PLRG1: variants seen among roughly 807,000 people sequenced by gnomAD.
PLRG1 encodes the protein pleiotropic regulator 1 (PRL1 homolog, Arabidopsis).
PLRG1 carries 28 observed loss-of-function variants against 74.9 expected under a neutral mutation model. That is an observed-to-expected ratio of 0.37 (90% CI 0.28 to 0.51). The LOEUF is 0.51. PLRG1 is among the 20% of genes least tolerant of loss of function. PLRG1 has a pLI of 0.91. For missense variants in PLRG1, 445 were observed against 631.9 expected, an observed-to-expected ratio of 0.70 and a Z score of 3.17; for synonymous variants, 197 against 212.4, an observed-to-expected ratio of 0.93 and a Z score of 0.63.
At position 154,547,339 on chromosome 4, in the gene PLRG1, G is replaced by C. The variant is rs1209826282; in HGVS notation, c.260-275C>G. ...ATTTCTTCCAAGCAAATGGTTTCCT[G>C]TGGAATCTTGAATTCTCTTTACTTA... On this transcript the variant is annotated intron_variant, in intron 3 of 14. Transcript: ENST00000499023. The C allele has an allele frequency of 2.1e-5, 11 of 531,108 alleles. No homozygotes were observed. In the East Asian group the frequency reaches 3.6e-4, roughly 17 times the overall value. The allele number at this position is 531,108 out of a possible 1,614,324, so 32.9% of individuals were successfully genotyped here.
At chr4:154,544,362 T>A in intron 7 of PLRG1, 83 bp downstream of exon 7, 1 of 816,532 alleles carries the variant, frequency 1.2e-6, no homozygotes, top group Non-Finnish European at 2.1e-6. Flanking sequence ...TTCACTCTTT[T>A]TCCTCCTTAT....
intron 12 of PLRG1, among the ~76,000 whole-genome samples, chr4:154,538,588 G>A (rs1729497842): frequency 6.6e-6 from 1 of 151,828 alleles, no homozygotes; most frequent in Non-Finnish European, 1.5e-5. Flanking sequence ...GAGAGTAGAA[G>A]ACAGAGAAGA....
intron 1 of PLRG1, chr4:154,549,159 T>C (rs970796019): frequency 1.1e-5 from 6 of 525,190 alleles, no homozygotes; most frequent in Admixed American, 9.8e-5. Context: ...GGAGTTTAAC[T>C]TACTCAATAA....
rs149728498 is a variant in PLRG1, at chr4:154,546,871, T to C, written c.313+140A>G. 2.9e-4 allele frequency: 198 copies of C among 688,964 alleles called. 1 individual carries two copies. The Middle Eastern group carries it at 9.0e-3, about 31-fold the overall frequency. The allele number at this position is 688,964 out of a possible 1,614,324, so 42.7% of individuals were successfully genotyped here. ...ATGAAGGCATATGAGTATTCATTAT[T>C]ACCTACAAAGCTATGCATGGATGCT... On this transcript the variant is annotated intron_variant, in intron 4 of 14. Transcript: ENST00000499023.
chr4:154,545,967 A>G, intron 5 of PLRG1, 44 bp from the exon 6 acceptor site: 1 of 1,315,336 alleles, frequency 7.6e-7, no homozygotes, highest in Non-Finnish European at 1.1e-6. Context: ...TAATGCCTCC[A>G]GTCATGTATT....
intron 7 of PLRG1, 92 bp from the exon 8 acceptor site, chr4:154,542,371 C>T (rs551267744): frequency 2.1e-5 from 15 of 720,610 alleles, no homozygotes; most frequent in African/African-American, 1.9e-4. Context: ...GCCCTCCCAT[C>T]TTCAAATCAT....
rs749095669 is a variant in PLRG1 at position 154,546,257 on chromosome 4, T to C, written c.314-44A>G. On this transcript the variant is annotated intron_variant, in intron 4 of 14. Transcript: ENST00000499023. ...AACTTCTTTTAGTAGCTGTGTATTA[T>C]TCATTTACATGCACTTAAAATAAAA... 14 of 948,222 alleles carry C rather than the reference T, an allele frequency of 1.5e-5. No individual in the cohort carries two copies. The Admixed American group carries it at 2.6e-4, about 17-fold the overall frequency. The allele number at this position is 948,222 out of a possible 1,614,324, so 58.7% of individuals were successfully genotyped here.
In PLRG1 at chr4:154,550,068, T is replaced by A. The variant is rs150843181; in HGVS notation, c.9+232A>T. 5.4e-3 allele frequency among the ~76,000 whole-genome samples: 826 copies of A among 152,326 alleles called. 13 individuals carry two copies. Among genetic ancestry groups the A allele is most frequent in the African/African-American group, 0.019 (796 of 41,574 alleles). On this transcript the variant is annotated intron_variant, in intron 1 of 14. Transcript: ENST00000499023. ...CAGCTCCCAAGAGTCAAACGAGGAC[T>A]GGACGAATTATCTCAGGCTTCGCGC...
intron 2 of PLRG1, 127 bp downstream of exon 2, chr4:154,548,702 C>A: frequency 3.5e-6 from 2 of 573,282 alleles, no homozygotes; most frequent in East Asian, 3.0e-5. Flanking sequence ...TATGCCAAAA[C>A]ACCACTCATT....
At chr4:154,538,300 A>C (rs1352449629) in intron 12 of PLRG1, among the ~76,000 whole-genome samples, 192 bp from the exon 13 acceptor site, 2 of 152,132 alleles carry the variant, frequency 1.3e-5, no homozygotes, top group Non-Finnish European at 2.9e-5. Context: ...CACATTTTTA[A>C]CAGTATATTT....
chr4:154,545,310 A>G (rs896061265), intron 6 of PLRG1, among the ~76,000 whole-genome samples: 1 of 152,084 alleles, frequency 6.6e-6, no homozygotes, highest in African/African-American at 2.4e-5. Context: ...AAGTGGCAGC[A>G]TATTTTATTA....
chr4:154,543,643 G>A (rs767736554), intron 7 of PLRG1, among the ~76,000 whole-genome samples: 22 of 152,158 alleles, frequency 1.4e-4, no homozygotes, highest in Non-Finnish European at 2.4e-4. Context: ...GCACAAGGGT[G>A]TTTTTTGAGG....
intron 6 of PLRG1, among the ~76,000 whole-genome samples, chr4:154,544,850 T>A (rs563647694): frequency 1.3e-5 from 2 of 152,240 alleles, no homozygotes; most frequent in East Asian, 3.9e-4. Context: ...ATGGGAAGAA[T>A]AGTGCCTATT....
Position 154,542,282 on chromosome 4 carries a change from G to T in PLRG1, c.595-3C>A. 1.3e-6 allele frequency: 2 copies of T among 1,598,376 alleles called. No individual in the cohort carries two copies. Among genetic ancestry groups the T allele is most frequent in the Non-Finnish European group, 1.7e-6 (2 of 1,165,788 alleles). On this transcript the variant is annotated splice_region_variant and splice_polypyrimidine_tract_variant and intron_variant, in intron 7 of 14. Coordinates refer to ENST00000499023, the MANE Select transcript of PLRG1 (RefSeq NM_002669.4). ...CAGCCAAGATGCCCACTGATAACCT[G>T]TATAAAACAAAGTAGAATGGGCAGG... is the stretch of plus-strand genomic sequence containing the variant.
At chr4:154,549,182 C>A in intron 1 of PLRG1, 1 of 471,434 alleles carries the variant, frequency 2.1e-6, no homozygotes, top group South Asian at 1.7e-5. Context: ...ATTTACTGAG[C>A]TCCTACTGTG....
At chr4:154,540,089 T>C (rs376737702) in intron 10 of PLRG1, 36 bp from the exon 11 acceptor site, 16 of 1,069,304 alleles carry the variant, frequency 1.5e-5, no homozygotes, top group Middle Eastern at 2.0e-4. Flanking sequence ...GGAAAGAGAA[T>C]AGGTATTCAT....
chr4:154,548,076 TAATA>T (rs1373671873), intron 2 of PLRG1, among the ~76,000 whole-genome samples: 1 of 152,180 alleles, frequency 6.6e-6, no homozygotes, highest in Non-Finnish European at 1.5e-5. Context: ...GTTTGTTACC[TAATA>T]AATAGAAAAC....
chr4:154,543,477 A>T (rs539469631), intron 7 of PLRG1, among the ~76,000 whole-genome samples: 1 of 152,152 alleles, frequency 6.6e-6, no homozygotes, highest in Non-Finnish European at 1.5e-5. Flanking sequence ...ATCAAATTTG[A>T]TATGTAGCCC....
Position 154,538,133 on chromosome 4 carries a change from A to G in PLRG1, c.1152-25T>C, listed in dbSNP as rs1352080505. 3.8e-6 allele frequency: 5 copies of G among 1,316,452 alleles called. No homozygotes were observed. The South Asian group carries it at 4.8e-5, about 13-fold the overall frequency. The allele number at this position is 1,316,452 out of a possible 1,614,324, so 81.5% of individuals were successfully genotyped here. A position where few individuals can be genotyped will look rare whatever the true frequency, so the allele number is the denominator to read the frequency against. On this transcript the variant is annotated intron_variant, in intron 12 of 14. Coordinates refer to ENST00000499023, the MANE Select transcript of PLRG1 (RefSeq NM_002669.4). ...ACTGAAATAATATTAAAAAGAATTAACGACAAAGTAAACCAAGTTAAATAA... is the reference window on the plus strand; with the variant it reads ...ACTGAAATAATATTAAAAAGAATTAGCGACAAAGTAAACCAAGTTAAATAA...
Sources: allele counts gnomAD v4.1 joint callset (sites outside exome capture counted in the v4.1 genomes callset), GRCh38; gene constraint gnomAD v4.1.1; transcripts MANE v1.5; gene names NCBI Gene and HGNC (gene_info 2026-07-23, HGNC 2026-07-21).